The following PPP2R2A variants were observed in gnomAD, a reference collection of about 807,000 sequenced individuals.
PPP2R2A encodes serine/threonine-protein phosphatase 2A 55 kDa regulatory subunit B alpha isoform.
PPP2R2A carries 9 observed loss-of-function variants against 53.2 expected under a neutral mutation model. The observed-to-expected ratio is 0.17, with a 90% CI of 0.10 to 0.30. The LOEUF is 0.30. Among genes scored for constraint, PPP2R2A ranks in the 10% least tolerant of loss-of-function variants. The pLI is 1.00. For synonymous variants in PPP2R2A, 169 were observed against 174.2 expected, an observed-to-expected ratio of 0.97 and a Z score of 0.23; for missense variants, 235 against 534.6, an observed-to-expected ratio of 0.44 and a Z score of 5.53.
chr8:26,356,769 T>C (rs779329164), intron 4 of PPP2R2A, among the ~76,000 whole-genome samples: 2 of 152,212 alleles, frequency 1.3e-5, no homozygotes, highest in Non-Finnish European at 2.9e-5. Context: ...AAAGAGAACT[T>C]TTTAAATGTA....
At chr8:26,365,982 A>T (rs1014246214) in intron 8 of PPP2R2A, 8 of 187,534 alleles carry the variant, frequency 4.3e-5, no homozygotes, top group Non-Finnish European at 7.6e-5. Flanking sequence ...TGATATTCAG[A>T]TATTGCTATA....
intron 2 of PPP2R2A, among the ~76,000 whole-genome samples, chr8:26,324,972 T>C (rs763930079): frequency 2.7e-5 from 4 of 150,696 alleles, no homozygotes; most frequent in Admixed American, 6.7e-5. Flanking sequence ...TTGGAATGGC[T>C]ATATTTACTC....
intron 2 of PPP2R2A, among the ~76,000 whole-genome samples, chr8:26,309,263 TCTC>T (rs1164355091): frequency 4.7e-4 from 71 of 152,300 alleles, no homozygotes; most frequent in African/African-American, 1.7e-3. Context: ...GTAAACAACA[TCTC>T]CTTGTCCCTC....
At chr8:26,305,789 C>A (rs1231426599) in intron 2 of PPP2R2A, among the ~76,000 whole-genome samples, 1 of 152,062 alleles carries the variant, frequency 6.6e-6, no homozygotes, top group East Asian at 1.9e-4. Context: ...ATTACTTTCC[C>A]TTTTCTAAGT....
rs768272191 is a variant in PPP2R2A, at chr8:26,362,697, C to T, written c.651C>T (p.Ile217=). ...ITDRSFNIVD[I]KPANMEELTE... ...AATGTTATCTAGACATTGTGGATAT[C>T]AAGCCTGCCAATATGGAAGAGCTAA... Residue 217 remains isoleucine (I), a synonymous_variant, in exon 7 of 10, where the codon ATC becomes ATT. Transcript: ENST00000380737. The surrounding 1 kb of genome is among the most constrained non-coding windows in gnomAD (Gnocchi z 4.4). 3 of 1,613,810 alleles carry T rather than the reference C, an allele frequency of 1.9e-6. No homozygotes were observed. The highest frequency in any genetic ancestry group is 1.7e-6 in the Non-Finnish European group (2 of 1,179,860).
intron 2 of PPP2R2A, among the ~76,000 whole-genome samples, chr8:26,296,756 A>G (rs577715156): frequency 1.3e-5 from 2 of 152,304 alleles, no homozygotes; most frequent in East Asian, 3.9e-4. Flanking sequence ...TAGGTTTTGA[A>G]AGGGGAAGAG....
chr8:26,331,425 C>T (rs1803372045), intron 2 of PPP2R2A, among the ~76,000 whole-genome samples: 1 of 152,126 alleles, frequency 6.6e-6, no homozygotes, highest in Non-Finnish European at 1.5e-5. Context: ...TTACTTTAAC[C>T]TCTTGAAAGT....
intron 2 of PPP2R2A, among the ~76,000 whole-genome samples, chr8:26,312,146 C>T (rs2117236755): frequency 6.6e-6 from 1 of 152,270 alleles, no homozygotes; most frequent in South Asian, 2.1e-4. Flanking sequence ...GGAAAATTCT[C>T]CAGAAGTCTG....
chr8:26,294,880 A>T (rs545131334), intron 2 of PPP2R2A, among the ~76,000 whole-genome samples: 2 of 152,160 alleles, frequency 1.3e-5, no homozygotes, highest in Non-Finnish European at 1.5e-5. Flanking sequence ...TTCCTTTTCT[A>T]TTGGATCCTC....
chr8:26,348,884 TG>T (rs1804352769), intron 3 of PPP2R2A, among the ~76,000 whole-genome samples: 1 of 152,226 alleles, frequency 6.6e-6, no homozygotes, highest in Admixed American at 6.5e-5. Flanking sequence ...CAGGGATTTT[TG>T]TTTTGTTTTA....
In PPP2R2A at chr8:26,370,767, T is replaced by A. The variant is rs1204425104; in HGVS notation, c.*354T>A. On this transcript the variant is annotated 3_prime_UTR_variant, in exon 10 of 10. Coordinates refer to ENST00000380737, the MANE Select transcript of PPP2R2A (RefSeq NM_002717.4). The surrounding 1 kb of genome is among the most constrained non-coding windows in gnomAD (Gnocchi z 6.1). ...ACACAGTGAAAGCCTTCAGTCATGC[T>A]ATGGGATTTAATTGTGTATCCTCAT... 3.6e-6 allele frequency: 1 copy of A among 281,254 alleles called. No homozygotes were observed. The highest frequency in any genetic ancestry group is 6.9e-6 in the Non-Finnish European group (1 of 144,412). The allele number at this position is 281,254 out of a possible 1,614,324, so 17.4% of individuals were successfully genotyped here.
chr8:26,331,247 A>T (rs1394363449), intron 2 of PPP2R2A, among the ~76,000 whole-genome samples: 3 of 152,120 alleles, frequency 2.0e-5, no homozygotes, highest in Non-Finnish European at 4.4e-5. Flanking sequence ...TTCCTTTCTA[A>T]GAGTATCCAA....
chr8:26,370,626 G>T lies in PPP2R2A; in HGVS notation c.*213G>T, dbSNP rs947194230. 6.7e-6 allele frequency: 4 copies of T among 597,338 alleles called. No homozygotes were observed. The highest frequency in any genetic ancestry group is 1.2e-5 in the Non-Finnish European group (4 of 343,348). The allele number at this position is 597,338 out of a possible 1,614,324, so 37.0% of individuals were successfully genotyped here. A position where few individuals can be genotyped will look rare whatever the true frequency, so the allele number is the denominator to read the frequency against. Reference sequence around the variant, plus strand: ...CATGTCTGCTAGCCATTTAGGTAAGGGTAGGGCACTTTTAATTTAAATGAC... The same window carrying T: ...CATGTCTGCTAGCCATTTAGGTAAGTGTAGGGCACTTTTAATTTAAATGAC... On this transcript the variant is annotated 3_prime_UTR_variant, in exon 10 of 10. Coordinates refer to ENST00000380737, the MANE Select transcript of PPP2R2A (RefSeq NM_002717.4). This position sits in a 1 kb window ranked among gnomAD's most constrained non-coding sequence, Gnocchi z 6.1.
At chr8:26,292,987 A>G (rs1801375353) in intron 1 of PPP2R2A, 1 of 412,248 alleles carries the variant, frequency 2.4e-6, no homozygotes, top group Non-Finnish European at 4.3e-6. Context: ...ATGAAATGAG[A>G]TTAAAATTGT....
chr8:26,344,622 CTCT>C (rs1426757000), intron 3 of PPP2R2A, among the ~76,000 whole-genome samples: 1 of 152,226 alleles, frequency 6.6e-6, no homozygotes, highest in East Asian at 1.9e-4. Flanking sequence ...GCCCAGCCAT[CTCT>C]TCTTGTTCAG....
At chr8:26,367,367 G>A (rs570138862) in intron 9 of PPP2R2A, among the ~76,000 whole-genome samples, 22 of 152,242 alleles carry the variant, frequency 1.4e-4, no homozygotes, top group South Asian at 1.0e-3. Context: ...AAGGTGTGGC[G>A]CACAGCTACA....
rs887475056 is a variant in PPP2R2A, at chr8:26,354,229, G to A, written c.181-239G>A. 2.6e-5 allele frequency among the ~76,000 whole-genome samples: 4 copies of A among 151,780 alleles called. No individual in the cohort carries two copies. The highest frequency in any genetic ancestry group is 4.8e-5 in the African/African-American group (2 of 41,292). ...GCAATCAAATTGATCCATATTTAAC[G>A]TCATTATTTCCCTAATGAATTGAGC... On this transcript the variant is annotated intron_variant, in intron 3 of 9. Coordinates refer to ENST00000380737, the MANE Select transcript of PPP2R2A (RefSeq NM_002717.4). The surrounding 1 kb of genome is among the most constrained non-coding windows in gnomAD (Gnocchi z 4.6).
rs1313739772 is a variant in PPP2R2A, at chr8:26,371,505, TA to T, written c.*1093del. The T allele has an allele frequency of 6.6e-6, 1 of 151,314 alleles. No homozygotes were observed. The highest frequency in any genetic ancestry group is 6.6e-5 in the Admixed American group (1 of 15,240). The allele number at this position is 151,314 out of a possible 1,614,324, so 9.4% of individuals were successfully genotyped here. A position where few individuals can be genotyped will look rare whatever the true frequency, so the allele number is the denominator to read the frequency against. On this transcript the variant is annotated 3_prime_UTR_variant, in exon 10 of 10. Transcript: ENST00000380737. ...AGAGTGCTTAATTTCATTTTTGCCT[TA>T]CTAAATAGTCAAAGACTTATAAAAC...
chr8:26,330,211 G>A (rs1315597872), intron 2 of PPP2R2A, among the ~76,000 whole-genome samples: 2 of 151,442 alleles, frequency 1.3e-5, no homozygotes, highest in African/African-American at 4.9e-5. Context: ...CTTATCCAAT[G>A]TATCTTTCAC....
Sources: gnomAD v4.1 joint callset for allele counts (sites outside exome capture counted in the v4.1 genomes callset) on GRCh38, gnomAD v4.1.1 for gene constraint, Gnocchi (gnomAD v3.1) non-coding constraint, MANE v1.5 for transcripts, NCBI Gene and HGNC (gene_info 2026-07-23, HGNC 2026-07-21) for gene names.